The following SUN3 variants were observed in gnomAD, a reference collection of about 807,000 sequenced individuals.
The protein encoded by SUN3 is Sad1 and UNC84 domain containing 3.
Under a neutral mutation model 48.2 loss-of-function variants are expected in SUN3, and 36 were observed. The ratio of observed to expected loss-of-function variants is 0.75; its 90% CI spans 0.57 to 0.99. SUN3 has a LOEUF of 0.99. SUN3 is among the 50% of genes least tolerant of loss of function. The pLI, the probability that SUN3 is intolerant of heterozygous loss-of-function variation, is 0.00. For missense variants in SUN3, 419 were observed against 433.1 expected, an observed-to-expected ratio of 0.97 and a Z score of 0.29; for synonymous variants, 148 against 147.9, an observed-to-expected ratio of 1.00 and a Z score of 0.00.
intron 5 of SUN3, 61 bp downstream of exon 5, chr7:48,007,104 C>T (rs761131392): frequency 6.6e-7 from 1 of 1,525,736 alleles, no homozygotes; most frequent in Non-Finnish European, 8.9e-7. Flanking sequence ...TCCCCGTCAC[C>T]CTGGACATCC....
intron 2 of SUN3, among the ~76,000 whole-genome samples, chr7:48,019,216 G>A (rs1789898819): frequency 1.3e-5 from 2 of 152,028 alleles, no homozygotes; most frequent in Admixed American, 6.5e-5. Context: ...ATGCATTGTG[G>A]CAGTCTCAGA....
At chr7:47,992,706 A>G (rs1025998221) in intron 8 of SUN3, among the ~76,000 whole-genome samples, 3 of 152,162 alleles carry the variant, frequency 2.0e-5, no homozygotes, top group Admixed American at 1.3e-4. Context: ...AAAAAAAAAG[A>G]AAATAAATGA....
intron 5 of SUN3, among the ~76,000 whole-genome samples, chr7:48,006,562 A>T (rs1789530860): frequency 6.6e-6 from 1 of 152,170 alleles, no homozygotes; most frequent in Admixed American, 6.5e-5. Flanking sequence ...CGAACAAACA[A>T]ACAAAACCAA....
chr7:48,018,782 G>A (rs983500435), intron 2 of SUN3, among the ~76,000 whole-genome samples: 6 of 152,008 alleles, frequency 3.9e-5, no homozygotes, highest in African/African-American at 1.2e-4. Flanking sequence ...CATGGCATAC[G>A]ATGAAACAGG....
At chr7:48,019,152 A>C (rs1338010994) in intron 2 of SUN3, among the ~76,000 whole-genome samples, 1 of 152,174 alleles carries the variant, frequency 6.6e-6, no homozygotes, top group African/African-American at 2.4e-5. Flanking sequence ...GAGAAAAGTG[A>C]AAAAGTGAAC....
upstream of SUN3, among the ~76,000 whole-genome samples, chr7:48,031,712 GA>G (rs1407300471): frequency 6.6e-6 from 1 of 152,064 alleles, no homozygotes; most frequent in Non-Finnish European, 1.5e-5. Context: ...ATATCCAAAG[GA>G]AATAAAATCA....
intron 1 of SUN3, among the ~76,000 whole-genome samples, chr7:48,026,753 G>A (rs1790146765): frequency 6.6e-6 from 1 of 152,108 alleles, no homozygotes; most frequent in Admixed American, 6.5e-5. Context: ...AGAGAGACCA[G>A]AACTTTTTCT....
chr7:47,988,105 T>G (rs1476505040), intron 9 of SUN3, among the ~76,000 whole-genome samples: 1 of 152,202 alleles, frequency 6.6e-6, no homozygotes, highest in Non-Finnish European at 1.5e-5. Context: ...TGCATATGAA[T>G]ACATAATCAA....
chr7:48,024,347 T>A (rs1271862895), intron 2 of SUN3, among the ~76,000 whole-genome samples: 1 of 151,982 alleles, frequency 6.6e-6, no homozygotes, highest in Non-Finnish European at 1.5e-5. Context: ...TAATCAAAAA[T>A]GAGCAAAAGA....
intron 9 of SUN3, among the ~76,000 whole-genome samples, chr7:47,988,087 A>G (rs1290945657): frequency 6.6e-6 from 1 of 152,214 alleles, no homozygotes; most frequent in Non-Finnish European, 1.5e-5. Context: ...AGATAATATG[A>G]GCCCAAATGC....
intron 7 of SUN3, 73 bp downstream of exon 7, chr7:47,995,958 A>G: frequency 1.0e-6 from 1 of 963,710 alleles, no homozygotes; most frequent in Non-Finnish European, 1.5e-6. Flanking sequence ...CATTTTTAAA[A>G]TTAACATTTT....
upstream of SUN3, among the ~76,000 whole-genome samples, chr7:48,032,635 T>C (rs1790269368): frequency 6.6e-6 from 1 of 152,214 alleles, no homozygotes; most frequent in African/African-American, 2.4e-5. Flanking sequence ...GTCTTTAAAT[T>C]ACTCAGATTA....
At chr7:48,022,918 T>C (rs1239825385) in intron 2 of SUN3, among the ~76,000 whole-genome samples, 1 of 152,020 alleles carries the variant, frequency 6.6e-6, no homozygotes. Flanking sequence ...AAAACGATTC[T>C]CCCAACTGCA....
chr7:47,995,167 G>T (rs1789173454), intron 7 of SUN3, among the ~76,000 whole-genome samples: 1 of 151,860 alleles, frequency 6.6e-6, no homozygotes, highest in South Asian at 2.1e-4. Flanking sequence ...TGGTGGTGGT[G>T]GTGACAGTGA....
At position 47,988,800 on chromosome 7, in the gene SUN3, T is replaced by C. The variant is rs773472456; in HGVS notation, c.942A>G (p.Thr314=). 1 of 1,603,062 alleles carries C rather than the reference T, an allele frequency of 6.2e-7. No homozygotes were observed. Among genetic ancestry groups the C allele is most frequent in the Non-Finnish European group, 8.5e-7 (1 of 1,172,980 alleles). ...GAGCATACATTACCTGGAGTTCAAATGTTTGAACGGTGGTTCCTGTTTTGT... is the reference window on the plus strand; with the variant it reads ...GAGCATACATTACCTGGAGTTCAAACGTTTGAACGGTGGTTCCTGTTTTGT... ...IYNKTGTTVQ[T]FELQHAVSEY... The change falls in exon 9 of 10, where the codon ACA becomes ACG. Residue 314 remains threonine (T), a synonymous_variant. Coordinates refer to ENST00000297325, the MANE Select transcript of SUN3 (RefSeq NM_001030019.2).
intron 1 of SUN3, 24 bp from the exon 2 acceptor site, chr7:48,025,962 A>G: frequency 6.5e-7 from 1 of 1,528,636 alleles, no homozygotes; most frequent in Non-Finnish European, 9.0e-7. Flanking sequence ...AACAATGATT[A>G]GAAAAAGAAT....
At chr7:48,026,090 C>T in intron 1 of SUN3, 152 bp from the exon 2 acceptor site, 2 of 611,228 alleles carry the variant, frequency 3.3e-6, no homozygotes, top group South Asian at 4.0e-5. Flanking sequence ...ATTTCCAATC[C>T]ACTATTTTTT....
chr7:47,992,621 G>C (rs530719289), intron 8 of SUN3, among the ~76,000 whole-genome samples: 17 of 151,888 alleles, frequency 1.1e-4, no homozygotes, highest in Non-Finnish European at 2.5e-4. Flanking sequence ...GAAATCCCAC[G>C]ACAACAGTTG....
At position 48,009,023 on chromosome 7, in the gene SUN3, G is replaced by T; in HGVS notation, c.329+12C>A. Reference sequence around the variant, plus strand: ...CACCAAAAAGAGGCATATAGCAAAAGATCGCACTCACTTTAAAAGTTCCAG... The same window carrying T: ...CACCAAAAAGAGGCATATAGCAAAATATCGCACTCACTTTAAAAGTTCCAG... On this transcript the variant is annotated intron_variant, in intron 4 of 9. Transcript: ENST00000297325. 1 of 1,610,184 alleles carries T rather than the reference G, an allele frequency of 6.2e-7. No homozygotes were observed. Among genetic ancestry groups the T allele is most frequent in the Non-Finnish European group, 8.5e-7 (1 of 1,178,506 alleles).
Sources: allele counts gnomAD v4.1 joint callset (sites outside exome capture counted in the v4.1 genomes callset), GRCh38; gene constraint gnomAD v4.1.1; transcripts MANE v1.5; gene names NCBI Gene and HGNC (gene_info 2026-07-23, HGNC 2026-07-21).